The following PFKFB1 variants were observed in gnomAD, a reference collection of about 807,000 sequenced individuals.
PFKFB1 encodes 6-phosphofructo-2-kinase/fructose-2,6-bisphosphatase 1.
Under a neutral mutation model 46.4 loss-of-function variants are expected in PFKFB1, and 34 were observed. The observed-to-expected ratio is 0.73, with a 90% CI of 0.56 to 0.98. The LOEUF is 0.98. Ranked by LOEUF, PFKFB1 falls within the 50% of genes least tolerant of loss-of-function variation. PFKFB1 has a pLI of 0.00. For synonymous variants in PFKFB1, 119 were observed against 133.8 expected, an observed-to-expected ratio of 0.89 and a Z score of 0.76; for missense variants, 393 against 376.3, an observed-to-expected ratio of 1.04 and a Z score of -0.37.
At chrX:54,951,364 G>C (rs1489744292) in intron 8 of PFKFB1, among the ~76,000 whole-genome samples, 1 of 112,178 alleles carries the variant, frequency 8.9e-6, no homozygotes, top group African/African-American at 3.2e-5. Flanking sequence ...AGCAGGTGCT[G>C]GGCCTTGGAA....
intron 8 of PFKFB1, among the ~76,000 whole-genome samples, chrX:54,950,734 G>C (rs1933945356): frequency 8.9e-6 from 1 of 112,457 alleles, no homozygotes; most frequent in African/African-American, 3.2e-5. Context: ...TGGGACATGA[G>C]GGAGTCACAG....
intron 1 of PFKFB1, among the ~76,000 whole-genome samples, chrX:54,983,029 G>A (rs775818315): frequency 1.8e-5 from 2 of 111,341 alleles, no homozygotes; most frequent in South Asian, 7.5e-4. Flanking sequence ...CTCCACTGAG[G>A]GGGATCAAGA....
chrX:54,976,021 T>C (rs1934829728), intron 1 of PFKFB1, among the ~76,000 whole-genome samples: 2 of 111,633 alleles, frequency 1.8e-5, no homozygotes, highest in Non-Finnish European at 3.8e-5. Flanking sequence ...ATGTAAAATA[T>C]TGGATATGCC....
At chrX:54,994,397 C>T, upstream of PFKFB1, 1 of 753,752 alleles carries the variant, frequency 1.3e-6, no homozygotes, top group Non-Finnish European at 1.6e-6. Context: ...ATAGAGTATG[C>T]AAATAAAAGA....
At chrX:54,991,539 CTGTGTGTG>C (rs59214352) in intron 1 of PFKFB1, among the ~76,000 whole-genome samples, 5 of 61,871 alleles carry the variant, frequency 8.1e-5, no homozygotes, top group Non-Finnish European at 1.1e-4. Context: ...CTCTCTCTCT[CTGTGTGTG>C]TGTGTGTGTG....
intron 11 of PFKFB1, 84 bp from the exon 12 acceptor site, chrX:54,935,093 TC>T: frequency 1.4e-6 from 1 of 719,307 alleles, no homozygotes; most frequent in Non-Finnish European, 2.2e-6. Flanking sequence ...TGCTGGATGC[TC>T]CCCATTCCAT....
chrX:54,953,027 C>T (rs762562225), intron 7 of PFKFB1, among the ~76,000 whole-genome samples: 2 of 111,736 alleles, frequency 1.8e-5, no homozygotes, highest in South Asian at 7.6e-4. Context: ...TGTTCAACCA[C>T]CTGTTTGTGT....
intron 2 of PFKFB1, among the ~76,000 whole-genome samples, chrX:54,962,591 A>T (rs1934348206): frequency 8.9e-6 from 1 of 112,199 alleles, no homozygotes; most frequent in Non-Finnish European, 1.9e-5. Flanking sequence ...AATGGGAAAA[A>T]GAAACAAAAA....
intron 1 of PFKFB1, among the ~76,000 whole-genome samples, chrX:54,982,770 T>C (rs1156791959): frequency 1.8e-5 from 2 of 111,238 alleles, no homozygotes. Context: ...AGTACAGGTA[T>C]GCAAGACTAG....
intron 2 of PFKFB1, 45 bp downstream of exon 2, chrX:54,963,212 A>G (rs1156743066): frequency 1.7e-6 from 2 of 1,196,947 alleles, no homozygotes. Context: ...GTTTTCAGCC[A>G]GTAGCTTTTA....
chrX:54,943,434 T>A (rs763033747), intron 10 of PFKFB1, among the ~76,000 whole-genome samples: 114 of 112,066 alleles, frequency 1.0e-3, no homozygotes, highest in African/African-American at 3.4e-3. Context: ...GAAGGGTGTG[T>A]TTACTCACTA....
chrX:54,968,817 T>A (rs1450490284), intron 1 of PFKFB1, among the ~76,000 whole-genome samples: 2 of 110,992 alleles, frequency 1.8e-5, no homozygotes, highest in Non-Finnish European at 3.8e-5. Context: ...TAGCATCAAT[T>A]CTATACAATC....
chrX:54,955,907 T>C lies in PFKFB1; in HGVS notation c.638+246A>G, dbSNP rs143268604. 6.5e-3 allele frequency among the ~76,000 whole-genome samples: 726 copies of C among 112,158 alleles called. 9 individuals carry two copies. The highest frequency in any genetic ancestry group is 0.022 in the African/African-American group (689 of 30,898). On this transcript the variant is annotated intron_variant, in intron 7 of 13. Transcript: ENST00000375006. Reference sequence around the variant, plus strand: ...GCAACACCCACAGGAGGGGGGCATTTGTTCCCAGGGTCCTGAACTGTTCAT... The same window carrying C: ...GCAACACCCACAGGAGGGGGGCATTCGTTCCCAGGGTCCTGAACTGTTCAT...
At chrX:54,941,344 G>T (rs1362830515) in intron 10 of PFKFB1, among the ~76,000 whole-genome samples, 3 of 112,009 alleles carry the variant, frequency 2.7e-5, no homozygotes, top group Non-Finnish European at 3.8e-5. Context: ...AGGACTTCAT[G>T]TCTAAAACAC....
upstream of PFKFB1, among the ~76,000 whole-genome samples, chrX:54,995,887 T>C (rs1935350215): frequency 8.9e-6 from 1 of 112,616 alleles, no homozygotes; most frequent in African/African-American, 3.2e-5. Context: ...ACATTTATAA[T>C]ACACAAAGAG....
chrX:54,966,134 A>G (rs1044650922), intron 1 of PFKFB1, among the ~76,000 whole-genome samples: 2 of 112,262 alleles, frequency 1.8e-5, no homozygotes, highest in Non-Finnish European at 3.8e-5. Flanking sequence ...AAACATTCCA[A>G]TTAAAGACCG....
chrX:54,946,300 T>C (rs1249372595), intron 9 of PFKFB1, among the ~76,000 whole-genome samples: 3 of 111,494 alleles, frequency 2.7e-5, no homozygotes, highest in Admixed American at 9.5e-5. Flanking sequence ...CTCTCCTCAC[T>C]CAAAAAAGGA....
chrX:54,989,409 A>G (rs183723484), intron 1 of PFKFB1, among the ~76,000 whole-genome samples: 2 of 111,831 alleles, frequency 1.8e-5, no homozygotes, highest in African/African-American at 6.5e-5. Flanking sequence ...CATGGTGATA[A>G]AATATTCAAT....
chrX:54,939,537 G>A (rs1174298103), intron 10 of PFKFB1, among the ~76,000 whole-genome samples: 9 of 111,561 alleles, frequency 8.1e-5, no homozygotes, highest in African/African-American at 2.6e-4. Flanking sequence ...TCAAATAGAT[G>A]CAATAAAAAA....
Sources: allele counts gnomAD v4.1 joint callset (sites outside exome capture counted in the v4.1 genomes callset), GRCh38; gene constraint gnomAD v4.1.1; transcripts MANE v1.5; gene names NCBI Gene and HGNC (gene_info 2026-07-23, HGNC 2026-07-21).